RYR3: variants seen among roughly 807,000 people sequenced by gnomAD.
The protein encoded by RYR3 is ryanodine receptor 3, also known as brain ryanodine receptor-calcium release channel.
RYR3 carries 207 observed loss-of-function variants against 584.3 expected under a neutral mutation model. The ratio of observed to expected loss-of-function variants is 0.35; its 90% confidence interval spans 0.32 to 0.40. The LOEUF (loss-of-function observed/expected upper bound fraction) is 0.40, where lower values mean the gene tolerates loss of function less well. RYR3 is among the 10% of genes least tolerant of loss of function. The pLI, the probability that RYR3 is intolerant of heterozygous loss-of-function variation, is 1.00. For missense variants in RYR3, 5,616 were observed against 6,089.2 expected (o/e 0.92, Z 2.59); for synonymous variants, 2,416 against 2,248.5 (o/e 1.07, Z -2.11).
chr15:33,474,191 A>T (rs1485089542), intron 2 of RYR3, among the ~76,000 whole-genome samples: 1 of 152,180 alleles, frequency 6.6e-6, no homozygotes, highest in Non-Finnish European at 1.5e-5. Context: ...GAAAACCTCT[A>T]TATCCGTCAG....
At chr15:33,733,530 G>A (rs2152825142) in intron 48 of RYR3, among the ~76,000 whole-genome samples, 1 of 152,314 alleles carries the variant, frequency 6.6e-6, no homozygotes, top group African/African-American at 2.4e-5. Context: ...CCAACTATAT[G>A]GCTTTCCGGA....
chr15:33,856,833 A>G (rs111585987), intron 98 of RYR3: 18,091 of 152,148 alleles, frequency 0.12, 1,340 homozygotes, highest in Middle Eastern at 0.2. Context: ...TAATTTTTGT[A>G]TTTTTAGTAG....
At chr15:33,648,593 A>C (rs909835514) in intron 30 of RYR3, among the ~76,000 whole-genome samples, 2 of 152,198 alleles carry the variant, frequency 1.3e-5, no homozygotes, top group Admixed American at 1.3e-4. Context: ...GACTTTCCAG[A>C]AAAAAGCACT....
Position 33,750,177 on chromosome 15 carries a change from C to T in RYR3, c.8290C>T (p.Pro2764Ser), listed in dbSNP as rs764838604. The change falls in exon 57 of 104, where the codon CCT becomes TCT. Residue 2764 changes from proline to serine, a missense_variant. By Grantham distance (74) the Pro-to-Ser change is moderately conservative. Transcript: ENST00000634891. ...ELESKGGGSHPLLVPYDTLTA... is the reference protein window; with the variant it reads ...ELESKGGGSHSLLVPYDTLTA... ...ACTGACCCCAGGTGGTGGCAGCCAC[C>T]CTCTTCTGGTACCATATGACACCTT... is the stretch of plus-strand genomic sequence containing the variant. 2.5e-6 allele frequency: 4 copies of T among 1,609,394 alleles called. No homozygotes were observed. The highest frequency in any genetic ancestry group is 1.1e-5 in the South Asian group (1 of 89,846).
In RYR3 at chr15:33,827,208, A is replaced by G. The variant is rs896349674; in HGVS notation, c.11255A>G (p.Asn3752Ser). 6.7e-5 allele frequency: 104 copies of G among 1,551,732 alleles called. No individual in the cohort carries two copies. The highest frequency in any genetic ancestry group is 1.7e-4 in the Middle Eastern group (1 of 6,014). Residue 3752 changes from asparagine to serine, a missense_variant, in exon 85 of 104, where the codon AAC becomes AGC. Asn to Ser is a conservative substitution (Grantham distance 46, BLOSUM62 1). Coordinates refer to ENST00000634891, the MANE Select transcript of RYR3 (RefSeq NM_001036.6). The part of the protein sequence containing the change: ...LCEGHNSDFQ[N>S]FLRTQMGNTT... ...GCACTGGTGCTCTCAGACTTTCAGAACTTCCTGCGGACTCAGATGGGCAAC... is the reference window on the plus strand; with the variant it reads ...GCACTGGTGCTCTCAGACTTTCAGAGCTTCCTGCGGACTCAGATGGGCAAC...
At chr15:33,312,218 G>A (rs1180713572) in intron 1 of RYR3, among the ~76,000 whole-genome samples, 6 of 152,090 alleles carry the variant, frequency 3.9e-5, no homozygotes, top group Non-Finnish European at 8.8e-5. Context: ...TTCCCTTTAA[G>A]GGTGCCCCCT....
At chr15:33,601,639 A>G in intron 17 of RYR3, 87 bp downstream of exon 17, 1 of 1,445,978 alleles carries the variant, frequency 6.9e-7, no homozygotes. Context: ...TCTGAACTCC[A>G]AAGTTGCCCA....
At chr15:33,347,262 G>A (rs1317316278) in intron 1 of RYR3, among the ~76,000 whole-genome samples, 1 of 152,078 alleles carries the variant, frequency 6.6e-6, no homozygotes, top group South Asian at 2.1e-4. Context: ...CAGAGAATCC[G>A]CATAAATGAT....
intron 3 of RYR3, among the ~76,000 whole-genome samples, chr15:33,522,168 C>A (rs1011569523): frequency 6.6e-6 from 1 of 150,444 alleles, no homozygotes; most frequent in Non-Finnish European, 1.5e-5. Context: ...GAGGCTGACA[C>A]AGGAGAATTG....
intron 1 of RYR3, among the ~76,000 whole-genome samples, chr15:33,395,972 G>A (rs1175104361): frequency 1.3e-5 from 2 of 152,174 alleles, no homozygotes; most frequent in Admixed American, 1.3e-4. Flanking sequence ...GCATACAGAG[G>A]GCCGACTGTT....
chr15:33,862,996 T>C (rs1057328427), intron 102 of RYR3, among the ~76,000 whole-genome samples: 3 of 152,196 alleles, frequency 2.0e-5, no homozygotes, highest in African/African-American at 7.2e-5. Context: ...ATTAAGAGAA[T>C]ATACATCTTA....
At chr15:33,619,073 A>C (rs2152575257) in intron 19 of RYR3, among the ~76,000 whole-genome samples, 1 of 152,326 alleles carries the variant, frequency 6.6e-6, no homozygotes, top group East Asian at 1.9e-4. Context: ...GCTCTTACTG[A>C]AGCTATTGCT....
chr15:33,473,205 A>C (rs750149520), intron 1 of RYR3: 278 of 684,074 alleles, frequency 4.1e-4, no homozygotes, highest in Non-Finnish European at 6.4e-4. Context: ...CACTGACCTC[A>C]CTCCAGGATT....
intron 90 of RYR3, 86 bp from the exon 91 acceptor site, chr15:33,841,778 T>C: frequency 7.2e-7 from 1 of 1,383,698 alleles, no homozygotes; most frequent in South Asian, 1.5e-5. Context: ...GCCCTCTCAA[T>C]CCAGATTTCT....
intron 12 of RYR3, among the ~76,000 whole-genome samples, chr15:33,568,608 T>G (rs552377453): frequency 6.6e-6 from 1 of 152,298 alleles, no homozygotes; most frequent in South Asian, 2.1e-4. Context: ...TTTTTTAATT[T>G]TTTGTAGAGA....
intron 49 of RYR3, among the ~76,000 whole-genome samples, chr15:33,737,414 T>C (rs1654846259): frequency 6.6e-6 from 1 of 152,228 alleles, no homozygotes; most frequent in African/African-American, 2.4e-5. Flanking sequence ...GCACCTGCCA[T>C]ATTCCCATAT....
intron 2 of RYR3, among the ~76,000 whole-genome samples, chr15:33,489,483 T>A (rs2050784368): frequency 1.3e-5 from 2 of 152,194 alleles, no homozygotes; most frequent in South Asian, 2.1e-4. Context: ...CCTGCATTAG[T>A]TTACTGAGGA....
intron 11 of RYR3, among the ~76,000 whole-genome samples, chr15:33,565,254 G>A (rs1454205842): frequency 6.6e-6 from 1 of 152,170 alleles, no homozygotes; most frequent in African/African-American, 2.4e-5. Flanking sequence ...CTGGGACCCA[G>A]GCCAAAGTAA....
rs935925259 is a variant in RYR3, at chr15:33,584,477, A to G, written c.1656A>G (p.Leu552=). 1.4e-5 allele frequency: 22 copies of G among 1,539,694 alleles called. No individual in the cohort carries two copies. Among genetic ancestry groups the G allele is most frequent in the Non-Finnish European group, 2.0e-5 (22 of 1,115,006 alleles). The change falls in exon 15 of 104, where the codon CTA becomes CTG. Residue 552 remains leucine (L), a synonymous_variant. Transcript: ENST00000634891. ...LDWLISKLDR[L]ESSSGILEVL... is the part of the protein sequence containing the mutation. ...GGCTCATCAGTAAATTGGACAGACT[A>G]GAATCTTCCTCAGGTGAGAATTGAC...
Sources: allele counts gnomAD v4.1 joint callset (sites outside exome capture counted in the v4.1 genomes callset), GRCh38; gene constraint gnomAD v4.1.1; transcripts MANE v1.5; gene names NCBI Gene and HGNC (gene_info 2026-07-23, HGNC 2026-07-21).